Variants in FMN1 observed in about 807,000 individuals in gnomAD.
The protein encoded by FMN1 is formin 1, also known as formin-1.
FMN1 carries 110 observed loss-of-function variants against 132.4 expected under a neutral mutation model. That is an observed-to-expected ratio of 0.83 (90% CI 0.71 to 0.97). The LOEUF (loss-of-function observed/expected upper bound fraction) is 0.97. Ranked by LOEUF, FMN1 falls within the 50% of genes least tolerant of loss-of-function variation. The pLI, the probability that FMN1 is intolerant of heterozygous loss-of-function variation, is 0.00. For missense variants in FMN1, 1,792 were observed against 1,705.3 expected (o/e 1.05, Z -0.90); for synonymous variants, 722 against 651.7 (o/e 1.11, Z -1.64).
intron 6 of FMN1, among the ~76,000 whole-genome samples, chr15:33,016,088 CTTAT>C (rs1275182572): frequency 3.3e-5 from 5 of 152,018 alleles, no homozygotes; most frequent in Non-Finnish European, 1.5e-5. Flanking sequence ...TTTAATAAGG[CTTAT>C]TTAAGCAAAA....
chr15:33,068,088 C>T, intron 5 of FMN1: 1 of 1,348,704 alleles, frequency 7.4e-7, no homozygotes, highest in South Asian at 1.7e-5. Flanking sequence ...TGTTCCAGGG[C>T]AACTGTGAAA....
intron 7 of FMN1, among the ~76,000 whole-genome samples, chr15:32,994,232 T>TCACACAGACACA (rs2033631463): frequency 2.7e-5 from 1 of 37,200 alleles, no homozygotes; most frequent in African/African-American, 5.6e-5. Flanking sequence ...TCTCTCTCTC[T>TCACACAGACACA]CACACACACA....
intron 17 of FMN1, among the ~76,000 whole-genome samples, chr15:32,853,251 TA>T (rs2059049429): frequency 6.6e-6 from 1 of 152,212 alleles, no homozygotes; most frequent in Non-Finnish European, 1.5e-5. Context: ...AAGTCTTACC[TA>T]AAAGTGTTGG....
chr15:32,946,937 A>G (rs986055799), intron 9 of FMN1, among the ~76,000 whole-genome samples: 1 of 152,178 alleles, frequency 6.6e-6, no homozygotes, highest in South Asian at 2.1e-4. Flanking sequence ...TTCCACAAAC[A>G]TTTTGGATAA....
In FMN1 at chr15:32,767,735, T is replaced by G. The variant is rs1315793409; in HGVS notation, c.*6575A>C. 6.6e-6 allele frequency: 1 copy of G among 152,222 alleles called. No individual in the cohort carries two copies. Among genetic ancestry groups the G allele is most frequent in the Admixed American group, 6.5e-5 (1 of 15,276 alleles). 9.4% of individuals were successfully genotyped at this position (152,222 alleles called of 1,614,324 possible). On this transcript the variant is annotated 3_prime_UTR_variant, in exon 21 of 21. Transcript: ENST00000616417. ...CTTATGCCTTGGGAAATTACAGAAT[T>G]GCACAATTATAAATTTAATAATTTT...
chr15:33,011,895 A>C (rs1270997249), intron 6 of FMN1, among the ~76,000 whole-genome samples: 1 of 152,222 alleles, frequency 6.6e-6, no homozygotes, highest in African/African-American at 2.4e-5. Context: ...AGCCTTGGTG[A>C]AGATGCAGAA....
intron 6 of FMN1, among the ~76,000 whole-genome samples, chr15:33,022,640 A>G (rs550841188): frequency 6.6e-6 from 1 of 152,326 alleles, no homozygotes; most frequent in Non-Finnish European, 1.5e-5. Flanking sequence ...TATTTCAGAA[A>G]TAGAAATGGG....
At chr15:33,142,927 T>C (rs1272617701) in intron 4 of FMN1, among the ~76,000 whole-genome samples, 4 of 152,246 alleles carry the variant, frequency 2.6e-5, no homozygotes, top group Non-Finnish European at 5.9e-5. Context: ...ATGGTTAATC[T>C]GTGACCAGTG....
chr15:33,062,140 A>T (rs2037513350), intron 6 of FMN1, among the ~76,000 whole-genome samples: 2 of 152,300 alleles, frequency 1.3e-5, no homozygotes, highest in Admixed American at 1.3e-4. Context: ...GTAAGAAAAA[A>T]CAACTATGGC....
chr15:32,922,367 G>T (rs1442121369), intron 10 of FMN1, among the ~76,000 whole-genome samples: 1 of 152,190 alleles, frequency 6.6e-6, no homozygotes, highest in Non-Finnish European at 1.5e-5. Flanking sequence ...TTGAATATAT[G>T]ACTTTTATGC....
chr15:32,951,323 C>G (rs1294692695), intron 9 of FMN1, among the ~76,000 whole-genome samples: 2 of 152,020 alleles, frequency 1.3e-5, no homozygotes, highest in Non-Finnish European at 2.9e-5. Context: ...TAAACTTTTC[C>G]TTGCATTGGG....
intron 17 of FMN1, among the ~76,000 whole-genome samples, chr15:32,817,184 T>G (rs2058083331): frequency 6.6e-6 from 1 of 152,226 alleles, no homozygotes; most frequent in Admixed American, 6.5e-5. Context: ...GAAAAATAAT[T>G]GTTCAGATGT....
intron 20 of FMN1, among the ~76,000 whole-genome samples, chr15:32,775,629 G>A (rs2056391650): frequency 6.6e-6 from 1 of 152,096 alleles, no homozygotes; most frequent in African/African-American, 2.4e-5. Context: ...GGTTAGGTAG[G>A]GGCCATGTGC....
At chr15:32,802,456 A>T (rs1237735978) in intron 18 of FMN1, among the ~76,000 whole-genome samples, 8 of 152,222 alleles carry the variant, frequency 5.3e-5, no homozygotes, top group Non-Finnish European at 1.5e-5. Context: ...CACTAATCTC[A>T]CACAAATATT....
intron 19 of FMN1, among the ~76,000 whole-genome samples, chr15:32,796,025 G>T (rs533589375): frequency 6.6e-6 from 1 of 152,308 alleles, no homozygotes; most frequent in Non-Finnish European, 1.5e-5. Flanking sequence ...CAAGGCACAA[G>T]AACTTAGGAC....
chr15:32,817,756 G>A (rs1771885577), intron 17 of FMN1, among the ~76,000 whole-genome samples: 1 of 152,194 alleles, frequency 6.6e-6, no homozygotes, highest in Non-Finnish European at 1.5e-5. Flanking sequence ...CTAAGTCAAG[G>A]TGAAAGTGCT....
At chr15:33,143,544 T>A (rs1368136852) in intron 4 of FMN1, among the ~76,000 whole-genome samples, 1 of 152,166 alleles carries the variant, frequency 6.6e-6, no homozygotes, top group East Asian at 1.9e-4. Flanking sequence ...GACATCTGTT[T>A]CCATTTTGAA....
At chr15:33,078,574 T>C (rs866679031) in intron 5 of FMN1, among the ~76,000 whole-genome samples, 1 of 151,544 alleles carries the variant, frequency 6.6e-6, no homozygotes, top group African/African-American at 2.4e-5. Flanking sequence ...CAATCCTTAA[T>C]GCAATTTAGA....
chr15:33,110,045 T>C (rs964851231), intron 4 of FMN1, among the ~76,000 whole-genome samples: 2 of 152,074 alleles, frequency 1.3e-5, no homozygotes, highest in African/African-American at 2.4e-5. Context: ...AGGCAAAAAG[T>C]ATATTGAATA....
Sources: allele counts gnomAD v4.1 joint callset (sites outside exome capture counted in the v4.1 genomes callset), GRCh38; gene constraint gnomAD v4.1.1; transcripts MANE v1.5; gene names NCBI Gene and HGNC (gene_info 2026-07-23, HGNC 2026-07-21).